The following CNTNAP2 variants were observed in gnomAD, a reference collection of about 807,000 sequenced individuals.
CNTNAP2 encodes contactin-associated protein-like 2.
A neutral mutation model predicts 155.2 loss-of-function variants in CNTNAP2; 98 were observed. The observed-to-expected ratio is 0.63, with a 90% CI of 0.54 to 0.75. CNTNAP2 has a LOEUF of 0.75. Among genes scored for constraint, CNTNAP2 ranks in the 30% least tolerant of loss-of-function variants. The pLI is 0.00. For synonymous variants in CNTNAP2, 651 were observed against 631.2 expected (o/e 1.03, Z -0.47); for missense variants, 1,727 against 1,688.1 (o/e 1.02, Z -0.40).
intron 1 of CNTNAP2, among the ~76,000 whole-genome samples, chr7:146,719,217 T>C (rs949341812): frequency 6.6e-6 from 1 of 152,186 alleles, no homozygotes; most frequent in Non-Finnish European, 1.5e-5. Context: ...TCTTGTTTTA[T>C]TTGAATCTTT....
At chr7:146,421,783 G>C (rs1360149505) in intron 1 of CNTNAP2, among the ~76,000 whole-genome samples, 3 of 151,536 alleles carry the variant, frequency 2.0e-5, no homozygotes, top group African/African-American at 7.3e-5. Flanking sequence ...TCTACTCCAG[G>C]GACTTAGGCT....
At chr7:148,251,808 TG>T (rs1563012145) in intron 20 of CNTNAP2, among the ~76,000 whole-genome samples, 1 of 152,174 alleles carries the variant, frequency 6.6e-6, no homozygotes, top group African/African-American at 2.4e-5. Context: ...TCCAGTCACA[TG>T]TTCTTCCTAA....
At chr7:148,275,472 C>T (rs890225763) in intron 21 of CNTNAP2, among the ~76,000 whole-genome samples, 2 of 152,216 alleles carry the variant, frequency 1.3e-5, no homozygotes, top group Non-Finnish European at 2.9e-5. Context: ...CCATTCTGCA[C>T]AGCAGTCCAC....
At chr7:146,343,572 A>T (rs1794766518) in intron 1 of CNTNAP2, among the ~76,000 whole-genome samples, 2 of 152,174 alleles carry the variant, frequency 1.3e-5, no homozygotes, top group Non-Finnish European at 2.9e-5. Context: ...GAAAGAAAGA[A>T]AAGGAATTTG....
At chr7:147,153,072 G>A (rs1203339536) in intron 8 of CNTNAP2, among the ~76,000 whole-genome samples, 3 of 151,872 alleles carry the variant, frequency 2.0e-5, no homozygotes, top group Non-Finnish European at 4.4e-5. Context: ...ATAAAGATAG[G>A]TATGCTACCG....
At chr7:147,381,551 T>C (rs1796536463) in intron 9 of CNTNAP2, among the ~76,000 whole-genome samples, 2 of 152,130 alleles carry the variant, frequency 1.3e-5, no homozygotes, top group African/African-American at 4.8e-5. Flanking sequence ...CACAACTAGG[T>C]CATGAAAAAG....
intron 9 of CNTNAP2, among the ~76,000 whole-genome samples, chr7:147,314,118 C>A (rs972373943): frequency 2.6e-5 from 4 of 151,972 alleles, no homozygotes; most frequent in African/African-American, 9.7e-5. Context: ...GATTTTGTAT[C>A]CTGAAACTTT....
intron 12 of CNTNAP2, among the ~76,000 whole-genome samples, chr7:147,631,486 A>G (rs1045083781): frequency 6.6e-6 from 1 of 152,198 alleles, no homozygotes; most frequent in Non-Finnish European, 1.5e-5. Context: ...ACAATCCTAA[A>G]GTTCATATGA....
intron 1 of CNTNAP2, among the ~76,000 whole-genome samples, chr7:146,410,497 A>G (rs540392723): frequency 1.9e-4 from 29 of 152,172 alleles, no homozygotes; most frequent in African/African-American, 7.0e-4. Context: ...TATAGATATC[A>G]TTTTTTTGAC....
intron 3 of CNTNAP2, among the ~76,000 whole-genome samples, chr7:146,953,999 T>C (rs1248087570): frequency 6.6e-6 from 1 of 151,994 alleles, no homozygotes; most frequent in East Asian, 1.9e-4. Context: ...AATCAACTAT[T>C]ATTGCTTTGA....
chr7:146,930,777 T>G lies in CNTNAP2; in HGVS notation c.402+90873T>G, dbSNP rs1311152819. Among the ~76,000 whole-genome samples the G allele has an allele frequency of 1.0e-3, 151 of 151,204 alleles. 2 individuals are homozygous for G. The highest frequency in any genetic ancestry group is 3.2e-3 in the African/African-American group (133 of 41,194). ...AAATGGAAAACAAAAAAAGGCAGGGTTTGCAATCCTAGTCTCTGATAAAAC... is the reference window on the plus strand; with the variant it reads ...AAATGGAAAACAAAAAAAGGCAGGGGTTGCAATCCTAGTCTCTGATAAAAC... On this transcript the variant is annotated intron_variant, in intron 3 of 23. Transcript: ENST00000361727.
In CNTNAP2 at chr7:147,560,168, CAAAA is replaced by C. The variant is rs71183016; in HGVS notation, c.1778-1950_1778-1947del. ...GGGCAACAAGAACGAAACTCCGTCT[CAAAA>C]AAAAAAAAAAAAAAAAAAATTGAAT... is the stretch of plus-strand genomic sequence containing the variant. On this transcript the variant is annotated intron_variant, in intron 11 of 23. Transcript: ENST00000361727. Among the ~76,000 whole-genome samples the C allele has an allele frequency of 2.1e-3, 110 of 52,818 alleles. 2 individuals carry two copies. The highest frequency in any genetic ancestry group is 0.011 in the South Asian group (9 of 834). 34.7% of individuals were successfully genotyped at this position (52,818 alleles called of 152,430 possible). A position where few individuals can be genotyped will look rare whatever the true frequency, so the allele number is the denominator to read the frequency against.
intron 1 of CNTNAP2, among the ~76,000 whole-genome samples, chr7:146,317,288 T>C (rs1800923709): frequency 6.6e-6 from 1 of 152,232 alleles, no homozygotes; most frequent in African/African-American, 2.4e-5. Flanking sequence ...TAAGCTCTAA[T>C]ATAAGTTCCA....
chr7:146,481,070 TC>T (rs1349678175), intron 1 of CNTNAP2, among the ~76,000 whole-genome samples: 1 of 151,956 alleles, frequency 6.6e-6, no homozygotes, highest in Non-Finnish European at 1.5e-5. Flanking sequence ...ATCATATACT[TC>T]TCCTAACCTG....
chr7:146,955,368 C>T (rs145677753), intron 3 of CNTNAP2, among the ~76,000 whole-genome samples: 203 of 151,992 alleles, frequency 1.3e-3, no homozygotes, highest in Non-Finnish European at 1.9e-3. Flanking sequence ...TTTCCTAGCA[C>T]GAAGACCTGC....
chr7:147,740,661 A>G (rs1322835965), intron 13 of CNTNAP2, among the ~76,000 whole-genome samples: 1 of 152,244 alleles, frequency 6.6e-6, no homozygotes, highest in Non-Finnish European at 1.5e-5. Context: ...AGGGGAAAAT[A>G]TCATCAGTCA....
intron 13 of CNTNAP2, among the ~76,000 whole-genome samples, chr7:147,724,513 T>C (rs1463414745): frequency 6.6e-6 from 1 of 152,072 alleles, no homozygotes; most frequent in Non-Finnish European, 1.5e-5. Flanking sequence ...ACAGCCTCTT[T>C]AAGTGACAGC....
At chr7:147,565,278 G>A (rs906072754) in intron 12 of CNTNAP2, among the ~76,000 whole-genome samples, 8 of 152,164 alleles carry the variant, frequency 5.3e-5, no homozygotes, top group Non-Finnish European at 7.3e-5. Context: ...CATAGTGAGC[G>A]TAAGAGAGTG....
At chr7:147,051,460 A>G (rs997846549) in intron 4 of CNTNAP2, among the ~76,000 whole-genome samples, 2 of 152,044 alleles carry the variant, frequency 1.3e-5, no homozygotes, top group Non-Finnish European at 1.5e-5. Context: ...GAATAAATGA[A>G]TAAGTTAATA....
Sources: allele counts gnomAD v4.1 joint callset (sites outside exome capture counted in the v4.1 genomes callset), GRCh38; gene constraint gnomAD v4.1.1; transcripts MANE v1.5; gene names NCBI Gene and HGNC (gene_info 2026-07-23, HGNC 2026-07-21).